The following TUBB8 variants were observed in gnomAD, a reference collection of about 807,000 sequenced individuals.
The protein encoded by TUBB8 is tubulin beta-8 chain.
A neutral mutation model predicts 33.7 loss-of-function variants in TUBB8; 25 were observed. The observed-to-expected ratio is 0.74, with a 90% CI of 0.54 to 1.04. TUBB8 has a LOEUF of 1.04. TUBB8 is among the 50% of genes least tolerant of loss of function. TUBB8 has a pLI of 0.00. For missense variants in TUBB8, 279 were observed against 608.0 expected, an observed-to-expected ratio of 0.46 and a Z score of 5.69; for synonymous variants, 245 against 240.1, an observed-to-expected ratio of 1.02 and a Z score of -0.19.
intron 1 of TUBB8, among the ~76,000 whole-genome samples, chr10:68,949 T>C (rs1428576628): frequency 3.3e-5 from 5 of 152,244 alleles, no homozygotes; most frequent in African/African-American, 1.2e-4. Flanking sequence ...CAGCTGGGTC[T>C]GCCCCGTGTT....
At chr10:68,605 A>T (rs1427848489) in intron 1 of TUBB8, among the ~76,000 whole-genome samples, 3 of 152,174 alleles carry the variant, frequency 2.0e-5, no homozygotes, top group Non-Finnish European at 4.4e-5. Flanking sequence ...TTTTCAATTT[A>T]CTTTACAGTA....
chr10:57,744 G>C (rs1834550459), intron 1 of TUBB8, among the ~76,000 whole-genome samples: 1 of 152,222 alleles, frequency 6.6e-6, no homozygotes, highest in African/African-American at 2.4e-5. Context: ...TCTGTGATGG[G>C]GGGCTGCCTT....
chr10:59,712 A>G (rs1355156441), intron 1 of TUBB8, among the ~76,000 whole-genome samples: 2 of 152,186 alleles, frequency 1.3e-5, no homozygotes, highest in African/African-American at 4.8e-5. Context: ...TCACTGTAAT[A>G]CCAGCCTCAA....
At chr10:70,369 G>C (rs1402280548) in intron 1 of TUBB8, among the ~76,000 whole-genome samples, 1 of 151,780 alleles carries the variant, frequency 6.6e-6, no homozygotes, top group Non-Finnish European at 1.5e-5. Flanking sequence ...TGCCATGCTG[G>C]TGTGCTGCAC....
intron 1 of TUBB8, among the ~76,000 whole-genome samples, chr10:57,637 A>G (rs1834548853): frequency 1.3e-5 from 2 of 152,206 alleles, no homozygotes; most frequent in Admixed American, 1.3e-4. Flanking sequence ...GAGCTGAAGC[A>G]GTGGCCAGGA....
At chr10:72,865 A>C (rs9419536) in intron 1 of TUBB8, among the ~76,000 whole-genome samples, 139,145 of 146,992 alleles carry the variant, frequency 0.95, 65,996 homozygotes, top group East Asian at 0.99. Context: ...AAAAAAAAAA[A>C]AAAAGCAAAA....
At chr10:75,541 G>A (rs1242265509), upstream of TUBB8, among the ~76,000 whole-genome samples, 7 of 148,524 alleles carry the variant, frequency 4.7e-5, no homozygotes, top group African/African-American at 1.7e-4. Context: ...TGTAATCGTA[G>A]CTACTCCGGA....
At position 47,963 on chromosome 10, in the gene TUBB8, A is replaced by T; in HGVS notation, c.429T>A (p.Thr143=). ...GCAGAAGGGTACCCATCCCAGACCC[A>T]GTCCCCCCACCCAGGGAGTGGGTCA... ...FQLTHSLGGG[T]GSGMGTLLLS... Residue 143 remains threonine (T), a synonymous_variant, in exon 4 of 4, where the codon ACT becomes ACA. Coordinates refer to ENST00000568584, the MANE Select transcript of TUBB8 (RefSeq NM_177987.3). 1 of 1,614,158 alleles carries T rather than the reference A, an allele frequency of 6.2e-7. No homozygotes were observed. Among genetic ancestry groups the T allele is most frequent in the Non-Finnish European group, 8.5e-7 (1 of 1,180,052 alleles).
upstream of TUBB8, among the ~76,000 whole-genome samples, chr10:53,689 G>T (rs1554739881): frequency 6.6e-6 from 1 of 152,250 alleles, no homozygotes; most frequent in African/African-American, 2.4e-5. Context: ...AGGGTTCCCT[G>T]CAGGGACTGA....
chr10:67,515 C>G (rs868981942), intron 1 of TUBB8, among the ~76,000 whole-genome samples: 6 of 152,274 alleles, frequency 3.9e-5, no homozygotes, highest in African/African-American at 9.6e-5. Context: ...ACCCCTGCCT[C>G]CTGGGTTCAA....
chr10:47,719 G>A lies in TUBB8; in HGVS notation c.673C>T (p.Leu225=), dbSNP rs1834368735. The A allele has an allele frequency of 6.2e-7, 1 of 1,612,854 alleles. No homozygotes were observed. The change falls in exon 4 of 4, where the codon CTG becomes TTG. Residue 225 remains leucine (L), a synonymous_variant. Coordinates refer to ENST00000568584, the MANE Select transcript of TUBB8 (RefSeq NM_177987.3). ...LKLPTPTYGD[L]NHLVSATMSG... ...ATGGTAGCAGACACCAGGTGGTTCAGGTCACCATAGGTGGGTGTGGGCAGT... is the reference window on the plus strand; with the variant it reads ...ATGGTAGCAGACACCAGGTGGTTCAAGTCACCATAGGTGGGTGTGGGCAGT...
intron 1 of TUBB8, among the ~76,000 whole-genome samples, chr10:73,340 T>C (rs61840125): frequency 0.057 from 6,142 of 106,830 alleles, no homozygotes; most frequent in African/African-American, 0.15. Context: ...AACAAATGAG[T>C]CTGAAAACAC....
intron 1 of TUBB8, among the ~76,000 whole-genome samples, chr10:62,198 G>T (rs1453866278): frequency 6.6e-6 from 1 of 152,136 alleles, no homozygotes; most frequent in Non-Finnish European, 1.5e-5. Flanking sequence ...TCCTTTTAGT[G>T]AAGGTGATTT....
chr10:48,581 A>C (rs782670700), intron 3 of TUBB8, 34 bp downstream of exon 3: 2 of 1,573,210 alleles, frequency 1.3e-6, no homozygotes, highest in Non-Finnish European at 1.7e-6. Context: ...GCCCTGGCTA[A>C]GGAGCCGCAC....
chr10:57,306 A>G (rs1834544327), intron 1 of TUBB8, among the ~76,000 whole-genome samples: 2 of 152,186 alleles, frequency 1.3e-5, no homozygotes, highest in South Asian at 4.1e-4. Context: ...TGGGGTCTGG[A>G]GGACAGTGAT....
intron 1 of TUBB8, among the ~76,000 whole-genome samples, chr10:68,237 C>A (rs1231384053): frequency 6.6e-6 from 1 of 152,170 alleles, no homozygotes; most frequent in Non-Finnish European, 1.5e-5. Context: ...ATGTGAAGCC[C>A]ACAAGATTCA....
chr10:70,493 C>A (rs4537687), intron 1 of TUBB8, among the ~76,000 whole-genome samples: 73,089 of 151,742 alleles, frequency 0.48, 18,401 homozygotes, highest in African/African-American at 0.63. Flanking sequence ...GGAAACAAAC[C>A]GCAGAAATAA....
At chr10:76,465 C>A (rs1486849918), upstream of TUBB8, among the ~76,000 whole-genome samples, 3 of 152,178 alleles carry the variant, frequency 2.0e-5, no homozygotes, top group Non-Finnish European at 4.4e-5. Context: ...GCCTTTTTCT[C>A]ACTTTCTCCC....
At chr10:49,423 C>G (rs115560198), upstream of TUBB8, 6 of 715,024 alleles carry the variant, frequency 8.4e-6, no homozygotes, top group Admixed American at 4.0e-5. Context: ...GATCCCCTGG[C>G]GCTGAACATC....
Sources: gnomAD v4.1 joint callset for allele counts (sites outside exome capture counted in the v4.1 genomes callset) on GRCh38, gnomAD v4.1.1 for gene constraint, MANE v1.5 for transcripts, NCBI Gene and HGNC (gene_info 2026-07-23, HGNC 2026-07-21) for gene names.